Variants in PRKCB observed in about 807,000 individuals in gnomAD.
PRKCB encodes protein kinase C beta.
Under a neutral mutation model 81.5 loss-of-function variants are expected in PRKCB, and 13 were observed. That is an observed-to-expected ratio of 0.16 (90% CI 0.10 to 0.25). PRKCB has a LOEUF of 0.25. PRKCB is among the 10% of genes least tolerant of loss of function. PRKCB has a pLI of 1.00. For missense variants in PRKCB, 509 were observed against 875.7 expected, an observed-to-expected ratio of 0.58 and a Z score of 5.29; for synonymous variants, 335 against 321.4, an observed-to-expected ratio of 1.04 and a Z score of -0.45.
chr16:24,003,507 C>T (rs937062444), intron 3 of PRKCB, among the ~76,000 whole-genome samples: 3 of 152,020 alleles, frequency 2.0e-5, no homozygotes, highest in African/African-American at 4.8e-5. Flanking sequence ...GCCTCAGCCT[C>T]CCAAGTAGCT....
intron 7 of PRKCB, among the ~76,000 whole-genome samples, chr16:24,110,212 GTC>G: frequency 6.7e-6 from 1 of 150,186 alleles, no homozygotes; most frequent in South Asian, 2.1e-4. Context: ...AATCTTTTAA[GTC>G]TATTTTTTTT....
intron 16 of PRKCB, among the ~76,000 whole-genome samples, chr16:24,200,928 A>G (rs1354186887): frequency 2.6e-5 from 4 of 152,004 alleles, no homozygotes; most frequent in African/African-American, 9.7e-5. Flanking sequence ...ATTTATTATT[A>G]TTATTGTTAT....
intron 2 of PRKCB, among the ~76,000 whole-genome samples, chr16:23,970,671 C>T (rs1039069708): frequency 1.3e-5 from 2 of 152,328 alleles, no homozygotes; most frequent in Admixed American, 6.5e-5. Flanking sequence ...AAAGGAATCA[C>T]GATCACACTT....
intron 13 of PRKCB, among the ~76,000 whole-genome samples, chr16:24,183,659 C>A (rs544133056): frequency 2.6e-5 from 4 of 152,088 alleles, no homozygotes; most frequent in Non-Finnish European, 5.9e-5. Flanking sequence ...TGAAAGCCAC[C>A]GAGTATCTCA....
chr16:23,950,145 T>TTG (rs1964260261), intron 2 of PRKCB, among the ~76,000 whole-genome samples: 1 of 145,848 alleles, frequency 6.9e-6, no homozygotes, highest in East Asian at 2.0e-4. Context: ...TTTTTTTTTT[T>TTG]TTTTTTTTTT....
chr16:24,207,427 T>C (rs1365087713), intron 16 of PRKCB, among the ~76,000 whole-genome samples: 1 of 152,232 alleles, frequency 6.6e-6, no homozygotes, highest in Non-Finnish European at 1.5e-5. Context: ...ATTAAAACCA[T>C]CTGTAATTCT....
intron 8 of PRKCB, among the ~76,000 whole-genome samples, chr16:24,122,077 C>G (rs1384954328): frequency 6.6e-6 from 1 of 152,110 alleles, no homozygotes; most frequent in East Asian, 1.9e-4. Context: ...AAGATGGTGA[C>G]AAGTGTTTTA....
intron 3 of PRKCB, among the ~76,000 whole-genome samples, chr16:23,998,976 T>C (rs1964995406): frequency 1.3e-5 from 2 of 152,246 alleles, no homozygotes; most frequent in Admixed American, 6.5e-5. Context: ...GCATAGGATT[T>C]GGCAGCCTAC....
intron 2 of PRKCB, among the ~76,000 whole-genome samples, chr16:23,865,265 TTGTGTGTGTG>T (rs57426992): frequency 2.2e-4 from 29 of 129,150 alleles, no homozygotes; most frequent in South Asian, 2.6e-4. Context: ...TCTGTTTTGT[TTGTGTGTGTG>T]TGTGTGTGTG....
At chr16:24,176,533 T>G (rs1967534043) in intron 12 of PRKCB, among the ~76,000 whole-genome samples, 1 of 152,250 alleles carries the variant, frequency 6.6e-6, no homozygotes, top group Non-Finnish European at 1.5e-5. Flanking sequence ...TCTAATTCCC[T>G]TAGTTTCTCT....
At chr16:24,212,440 C>T (rs1326403367) in intron 16 of PRKCB, among the ~76,000 whole-genome samples, 3 of 132,712 alleles carry the variant, frequency 2.3e-5, no homozygotes, top group African/African-American at 8.2e-5. Context: ...CAAGACCTCT[C>T]TCCTCCTGTG....
chr16:24,046,714 G>A lies in PRKCB; in HGVS notation c.529+11167G>A, dbSNP rs577756214. On this transcript the variant is annotated intron_variant, in intron 5 of 16. Coordinates refer to ENST00000643927, the MANE Select transcript of PRKCB (RefSeq NM_002738.7). Reference sequence around the variant, plus strand: ...CTCGGGATGGGGAGGGGTGGGTGACGCTGGAGGAAAGGCAGGGACAGCCAG... The same window carrying A: ...CTCGGGATGGGGAGGGGTGGGTGACACTGGAGGAAAGGCAGGGACAGCCAG... Among the ~76,000 whole-genome samples, 11 of 152,250 alleles carry A rather than the reference G, an allele frequency of 7.2e-5. No homozygotes were observed. In the South Asian group the frequency reaches 1.7e-3, roughly 23 times the overall value.
At chr16:24,096,666 A>ATATATATAT (rs1555496499) in intron 7 of PRKCB, among the ~76,000 whole-genome samples, 56 of 32,528 alleles carry the variant, frequency 1.7e-3, no homozygotes, top group East Asian at 2.3e-3. Flanking sequence ...AAAAAAAAAA[A>ATATATATAT]ATATATATAT....
At position 23,921,651 on chromosome 16, in the gene PRKCB, G is replaced by A. The variant is rs145099708; in HGVS notation, c.206-66857G>A. Among the ~76,000 whole-genome samples, 554 of 152,062 alleles carry A rather than the reference G, an allele frequency of 3.6e-3. 6 individuals are homozygous for A. The highest frequency in any genetic ancestry group is 0.013 in the African/African-American group (525 of 41,476). Reference sequence around the variant, plus strand: ...CCCTGTTTCTACTAAAAATACAAAAGTTAGCTGGGTGTGGCGGCACCCATC... The same window carrying A: ...CCCTGTTTCTACTAAAAATACAAAAATTAGCTGGGTGTGGCGGCACCCATC... On this transcript the variant is annotated intron_variant, in intron 2 of 16. Coordinates refer to ENST00000643927, the MANE Select transcript of PRKCB (RefSeq NM_002738.7).
intron 2 of PRKCB, among the ~76,000 whole-genome samples, chr16:23,936,035 T>C (rs77484493): frequency 0.03 from 4,560 of 152,248 alleles, 220 homozygotes; most frequent in African/African-American, 0.1. Context: ...ATTTAAAAAA[T>C]GTTTAAAATC....
intron 3 of PRKCB, among the ~76,000 whole-genome samples, chr16:24,009,594 T>A (rs1245702378): frequency 2.0e-5 from 3 of 151,472 alleles, no homozygotes; most frequent in Non-Finnish European, 4.4e-5. Flanking sequence ...CCGGCCTATT[T>A]TTTTTTTTAA....
chr16:23,889,567 C>T (rs1161452834), intron 2 of PRKCB, among the ~76,000 whole-genome samples: 1 of 152,212 alleles, frequency 6.6e-6, no homozygotes, highest in Non-Finnish European at 1.5e-5. Context: ...GCTTGCCTCC[C>T]TTGTGGGTAG....
At chr16:24,181,345 A>G (rs1967618708) in intron 13 of PRKCB, among the ~76,000 whole-genome samples, 1 of 152,218 alleles carries the variant, frequency 6.6e-6, no homozygotes, top group Non-Finnish European at 1.5e-5. Context: ...AAAATGGACA[A>G]TAGCCCGTGA....
At chr16:23,995,264 G>C (rs962039154) in intron 3 of PRKCB, among the ~76,000 whole-genome samples, 3 of 152,146 alleles carry the variant, frequency 2.0e-5, no homozygotes, top group African/African-American at 4.8e-5. Flanking sequence ...GGCCCCAAGA[G>C]CTTCTGGTTT....
Sources: gnomAD v4.1 joint callset for allele counts (sites outside exome capture counted in the v4.1 genomes callset) on GRCh38, gnomAD v4.1.1 for gene constraint, MANE v1.5 for transcripts, NCBI Gene and HGNC (gene_info 2026-07-23, HGNC 2026-07-21) for gene names.